Variants in PDE9A observed in about 807,000 individuals in gnomAD.
The protein encoded by PDE9A is phosphodiesterase 9A.
Under a neutral mutation model 87.4 loss-of-function variants are expected in PDE9A, and 60 were observed. The ratio of observed to expected loss-of-function variants is 0.69; its 90% CI spans 0.56 to 0.85. PDE9A has a LOEUF of 0.85. PDE9A is among the 40% of genes least tolerant of loss of function. The pLI is 0.00. For synonymous variants in PDE9A, 272 were observed against 279.4 expected (o/e 0.97, Z 0.27); for missense variants, 665 against 779.0 (o/e 0.85, Z 1.74).
At chr21:42,725,528 C>T (rs573248656) in intron 4 of PDE9A, among the ~76,000 whole-genome samples, 1 of 152,280 alleles carries the variant, frequency 6.6e-6, no homozygotes, top group African/African-American at 2.4e-5. Flanking sequence ...CATGATCCAC[C>T]ATGCCCGGCC....
At chr21:42,697,928 G>A (rs995263269) in intron 3 of PDE9A, among the ~76,000 whole-genome samples, 3 of 152,188 alleles carry the variant, frequency 2.0e-5, no homozygotes, top group Non-Finnish European at 4.4e-5. Flanking sequence ...GTGGAGAGAT[G>A]CACAGACTGA....
rs1477126945 is a variant in PDE9A at position 42,735,197 on chromosome 21, C to T, written c.568+1771C>T. The stretch of plus-strand genomic sequence containing the variant: ...GATGCCTGTGCTGCCGTCTCTGAGC[C>T]CCAGATGCGGCACCAGCTCCCCTGT... On this transcript the variant is annotated intron_variant, in intron 7 of 19. Transcript: ENST00000291539. 2.0e-5 allele frequency among the ~76,000 whole-genome samples: 3 copies of T among 152,162 alleles called. No homozygotes were observed. In the East Asian group the frequency reaches 5.8e-4, roughly 29 times the overall value.
Position 42,743,733 on chromosome 21 carries a change from T to A in PDE9A, c.569-43T>A. Reference sequence around the variant, plus strand: ...ACCAGCCTTGAGAGATCCTCCACATTCGTCCGTGGTAACCCCCTTGCTGTC... The same window carrying A: ...ACCAGCCTTGAGAGATCCTCCACATACGTCCGTGGTAACCCCCTTGCTGTC... On this transcript the variant is annotated intron_variant, in intron 7 of 19. Coordinates refer to ENST00000291539, the MANE Select transcript of PDE9A (RefSeq NM_002606.3). The A allele has an allele frequency of 2.3e-6, 3 of 1,277,076 alleles. No homozygotes were observed. In the South Asian group the frequency reaches 3.8e-5, roughly 16 times the overall value. The allele number at this position is 1,277,076 out of a possible 1,614,324, so 79.1% of individuals were successfully genotyped here.
chr21:42,653,713 GC>G lies in PDE9A; in HGVS notation c.-96del. The G allele has an allele frequency of 1.0e-5, 3 of 292,966 alleles. No individual in the cohort carries two copies. The highest frequency in any genetic ancestry group is 1.9e-5 in the Non-Finnish European group (3 of 157,270). 18.1% of individuals were successfully genotyped at this position (292,966 alleles called of 1,614,324 possible). A position where few individuals can be genotyped will look rare whatever the true frequency, so the allele number is the denominator to read the frequency against. ...TGTGGTTGGCTGAGCGCCGCGGGCC[GC>G]CCCCCGCCCGCCCCCTCCCCTGCTC... On this transcript the variant is annotated 5_prime_UTR_variant, in exon 1 of 20. Coordinates refer to ENST00000291539, the MANE Select transcript of PDE9A (RefSeq NM_002606.3).
At chr21:42,731,421 T>C (rs1206526867) in intron 4 of PDE9A, among the ~76,000 whole-genome samples, 3 of 152,188 alleles carry the variant, frequency 2.0e-5, no homozygotes. Flanking sequence ...TTCCTTAGAA[T>C]GTCACCTTGC....
chr21:42,727,437 C>T (rs1465918297), intron 4 of PDE9A, among the ~76,000 whole-genome samples: 1 of 151,686 alleles, frequency 6.6e-6, no homozygotes, highest in South Asian at 2.1e-4. Flanking sequence ...AATCCTCCCA[C>T]CTCAGCCTCC....
rs1246999337 is a variant in PDE9A at position 42,770,715 on chromosome 21, G to A, written c.1603G>A (p.Val535Ile). 6.8e-6 allele frequency: 11 copies of A among 1,613,508 alleles called. No individual in the cohort carries two copies. The highest frequency in any genetic ancestry group is 2.7e-5 in the African/African-American group (2 of 75,040). Residue 535 changes from valine to isoleucine, a missense_variant, in exon 18 of 20, where the codon GTT becomes ATT. Coordinates refer to ENST00000291539, the MANE Select transcript of PDE9A (RefSeq NM_002606.3). ...GTGTCTCTCCCAGCTCTTCCCCATG[G>A]TTGAGGAGATCATGCTGCAGCCACT... ...FETVTKLFPM[V>I]EEIMLQPLWE...
At chr21:42,664,097 C>T (rs904069305) in intron 1 of PDE9A, among the ~76,000 whole-genome samples, 123 of 152,364 alleles carry the variant, frequency 8.1e-4, no homozygotes, top group African/African-American at 3.0e-3. Context: ...GCATCTCCAG[C>T]TCCCACCTGC....
intron 18 of PDE9A, among the ~76,000 whole-genome samples, chr21:42,771,559 TG>T (rs2057029156): frequency 6.6e-6 from 1 of 152,156 alleles, no homozygotes; most frequent in African/African-American, 2.4e-5. Context: ...CTCCCCACAG[TG>T]CCACTGAAGC....
At chr21:42,670,612 CTA>C (rs1490924043) in intron 1 of PDE9A, among the ~76,000 whole-genome samples, 4 of 151,178 alleles carry the variant, frequency 2.6e-5, no homozygotes, top group African/African-American at 7.3e-5. Flanking sequence ...CACTCACACA[CTA>C]TCACATTCAC....
intron 1 of PDE9A, among the ~76,000 whole-genome samples, chr21:42,682,092 C>T (rs374434643): frequency 1.3e-5 from 2 of 152,220 alleles, no homozygotes; most frequent in African/African-American, 4.8e-5. Flanking sequence ...ACTTTGGCGC[C>T]GCTGGAGACT....
chr21:42,732,001 G>A (rs745574148), intron 5 of PDE9A, 52 bp downstream of exon 5: 16 of 1,611,234 alleles, frequency 9.9e-6, no homozygotes, highest in African/African-American at 4.0e-5. Context: ...CGTGGGATTC[G>A]GGCTGCAATG....
At chr21:42,706,602 C>T (rs111908414) in intron 4 of PDE9A, among the ~76,000 whole-genome samples, 4,109 of 152,138 alleles carry the variant, frequency 0.027, 180 homozygotes, top group African/African-American at 0.092. Flanking sequence ...CGAGATCACA[C>T]CACTGCACTC....
At chr21:42,766,512 C>T (rs2056418892) in intron 15 of PDE9A, among the ~76,000 whole-genome samples, 1 of 152,184 alleles carries the variant, frequency 6.6e-6, no homozygotes, top group Admixed American at 6.5e-5. Flanking sequence ...AGGGAACTCT[C>T]GGCTCAGGCT....
intron 8 of PDE9A, among the ~76,000 whole-genome samples, chr21:42,745,138 C>T (rs991164533): frequency 3.9e-5 from 6 of 152,306 alleles, no homozygotes; most frequent in African/African-American, 1.2e-4. Flanking sequence ...ATTGAGGAAG[C>T]GTGGCAAGTG....
At position 42,722,193 on chromosome 21, in the gene PDE9A, G is replaced by T. The variant is rs1176572442; in HGVS notation, c.263-9577G>T. 6.6e-6 allele frequency among the ~76,000 whole-genome samples: 1 copy of T among 152,048 alleles called. No individual in the cohort carries two copies. Among genetic ancestry groups the T allele is most frequent in the Non-Finnish European group, 1.5e-5 (1 of 68,010 alleles). ...GAGTTTCACCATGTTGGCCAGGATG[G>T]TCTTGAACTTCTGACCTCATGATCC... On this transcript the variant is annotated intron_variant, in intron 4 of 19. Coordinates refer to ENST00000291539, the MANE Select transcript of PDE9A (RefSeq NM_002606.3). This position sits in a 1 kb window ranked among gnomAD's most constrained non-coding sequence, Gnocchi z 4.1.
intron 14 of PDE9A, among the ~76,000 whole-genome samples, chr21:42,764,832 C>T (rs560135425): frequency 1.3e-5 from 2 of 152,204 alleles, no homozygotes; most frequent in South Asian, 4.2e-4. Context: ...CAAGTGATCC[C>T]CCCAAAAAAA....
intron 1 of PDE9A, among the ~76,000 whole-genome samples, chr21:42,674,316 C>CTTTTTTTTT (rs34238765): frequency 1.5e-5 from 2 of 134,608 alleles, no homozygotes; most frequent in African/African-American, 5.7e-5. Flanking sequence ...TTTAGACATT[C>CTTTTTTTTT]TTTTTTTTTT....
At chr21:42,724,631 C>T (rs532974510) in intron 4 of PDE9A, 43 of 978,990 alleles carry the variant, frequency 4.4e-5, no homozygotes, top group Non-Finnish European at 5.2e-5. Context: ...TATATTCCAT[C>T]GGTGTAAGTA....
Sources: allele counts gnomAD v4.1 joint callset (sites outside exome capture counted in the v4.1 genomes callset), GRCh38; gene constraint gnomAD v4.1.1; non-coding constraint Gnocchi (gnomAD v3.1); transcripts MANE v1.5; gene names NCBI Gene and HGNC (gene_info 2026-07-23, HGNC 2026-07-21).